Variants in PRG2 observed in about 807,000 individuals in gnomAD.
PRG2 encodes bone marrow proteoglycan.
PRG2 carries 23 observed loss-of-function variants against 24.7 expected under a neutral mutation model. That is an observed-to-expected ratio of 0.93 (90% CI 0.67 to 1.32). PRG2 has a LOEUF of 1.32. Among genes scored for constraint, PRG2 ranks in the 40% most tolerant of loss-of-function variants. The pLI, the probability that PRG2 is intolerant of heterozygous loss-of-function variation, is 0.00. For synonymous variants in PRG2, 104 were observed against 99.8 expected (o/e 1.04, Z -0.25); for missense variants, 271 against 280.9 (o/e 0.96, Z 0.25).
intron 2 of PRG2, 116 bp from the exon 3 acceptor site, chr11:57,389,433 G>T: frequency 8.5e-7 from 1 of 1,173,732 alleles, no homozygotes; most frequent in Non-Finnish European, 1.2e-6. Context: ...TGCCTGGGAA[G>T]GGGAACCTGG....
At chr11:57,388,796 C>T in intron 3 of PRG2, 88 bp from the exon 4 acceptor site, 1 of 1,540,488 alleles carries the variant, frequency 6.5e-7, no homozygotes, top group East Asian at 2.3e-5. Context: ...CATTCCCTCC[C>T]TCCCCTGCCA....
chr11:57,387,806 A>G lies in PRG2; in HGVS notation c.558T>C (p.Ala186=). 6.3e-7 allele frequency: 1 copy of G among 1,592,298 alleles called. No individual in the cohort carries two copies. The highest frequency in any genetic ancestry group is 8.5e-7 in the Non-Finnish European group (1 of 1,170,116). The change falls in exon 5 of 6, where the codon GCT becomes GCC. Residue 186 remains alanine, a synonymous_variant. Coordinates refer to ENST00000311862, the MANE Select transcript of PRG2 (RefSeq NM_002728.6). ...CACCGCGGGACCAGGGCTGGTGAGCAGCCCAGTATGCAAAGTTCCAGCGGC... is the reference window on the plus strand; with the variant it reads ...CACCGCGGGACCAGGGCTGGTGAGCGGCCCAGTATGCAAAGTTCCAGCGGC... The part of the protein sequence containing the change: ...DGSRWNFAYW[A]AHQPWSRGGH...
At chr11:57,387,930 C>T (rs777399385) in intron 4 of PRG2, 65 bp from the exon 5 acceptor site, 48 of 1,219,278 alleles carry the variant, frequency 3.9e-5, no homozygotes, top group African/African-American at 4.6e-5. Flanking sequence ...GACCTGGCCC[C>T]GTATCTGCCA....
Position 57,387,423 on chromosome 11 carries a change from G to A in PRG2, c.*52C>T. The A allele has an allele frequency of 6.6e-7, 1 of 1,504,994 alleles. No homozygotes were observed. 93.2% of individuals were successfully genotyped at this position (1,504,994 alleles called of 1,614,324 possible). On this transcript the variant is annotated 3_prime_UTR_variant, in exon 6 of 6. Transcript: ENST00000311862. Reference sequence around the variant, plus strand: ...GAGGGAGGGATGGCAAGCAGAGGAGGGGAGGCAGCTGCCCAGGAGAGGGCA... The same window carrying A: ...GAGGGAGGGATGGCAAGCAGAGGAGAGGAGGCAGCTGCCCAGGAGAGGGCA...
chr11:57,389,105 CA>C lies in PRG2; in HGVS notation c.270del (p.Glu91ArgfsTer6). On this transcript the variant is annotated frameshift_variant, in exon 3 of 6. Transcript: ENST00000311862. LOFTEE classifies it high-confidence loss of function. ...ACCACTTTTACTGTGTCCTCTTCCTCAGGACACGTAAGGTTTTTGTCCACCA... is the reference window on the plus strand; with the variant it reads ...ACCACTTTTACTGTGTCCTCTTCCTCGGACACGTAAGGTTTTTGTCCACCA... ...PDMVDKNLTC[P>X]EEEDTVKVVG... is the part of the protein sequence containing the mutation. 1 of 1,614,198 alleles carries C rather than the reference CA, an allele frequency of 6.2e-7. No individual in the cohort carries two copies. Among genetic ancestry groups the C allele is most frequent in the Non-Finnish European group, 8.5e-7 (1 of 1,180,038 alleles).
At chr11:57,388,835 G>C in intron 3 of PRG2, 127 bp from the exon 4 acceptor site, 1 of 1,456,502 alleles carries the variant, frequency 6.9e-7, no homozygotes, top group South Asian at 1.3e-5. Context: ...AGACCAAAAT[G>C]CAACTTCTGT....
chr11:57,390,225 T>C (rs760976823), intron 1 of PRG2, among the ~76,000 whole-genome samples: 1 of 152,246 alleles, frequency 6.6e-6, no homozygotes, highest in East Asian at 1.9e-4. Flanking sequence ...GAAGGGACTA[T>C]TACGCTTATT....
At chr11:57,389,837 T>C (rs375258376) in intron 2 of PRG2, 50 bp downstream of exon 2, 15 of 1,512,374 alleles carry the variant, frequency 9.9e-6, no homozygotes, top group African/African-American at 1.4e-5. Flanking sequence ...CCATCTACCA[T>C]AGAAAGGGAA....
chr11:57,388,205 G>A (rs768878297), intron 4 of PRG2, among the ~76,000 whole-genome samples: 15 of 151,402 alleles, frequency 9.9e-5, no homozygotes, highest in East Asian at 5.8e-4. Flanking sequence ...GCGGAGTTTC[G>A]CTCTTGTTGC....
At position 57,387,844 on chromosome 11, in the gene PRG2, A is replaced by C. The variant is rs1857076952; in HGVS notation, c.520T>G (p.Trp174Gly). 1 of 1,575,140 alleles carries C rather than the reference A, an allele frequency of 6.3e-7. No homozygotes were observed. The highest frequency in any genetic ancestry group is 8.6e-7 in the Non-Finnish European group (1 of 1,160,164). Reference sequence around the variant, plus strand: ...AAGTTCCAGCGGCTGCCGTCAACCCACTGAAAGCGTCTGCAGCGACCCTGG... The same window carrying C: ...AAGTTCCAGCGGCTGCCGTCAACCCCCTGAAAGCGTCTGCAGCGACCCTGG... ...TGSGRCRRFQ[W>G]VDGSRWNFAY... is the part of the protein sequence containing the mutation. Residue 174 changes from tryptophan (W) to glycine (G), a missense_variant, in exon 5 of 6, where the codon TGG becomes GGG. Physicochemically the swap from Trp to Gly is radical, Grantham distance 184 (BLOSUM62 -2). Transcript: ENST00000311862.
At chr11:57,388,752 C>A in intron 3 of PRG2, 44 bp from the exon 4 acceptor site, 1 of 1,604,588 alleles carries the variant, frequency 6.2e-7, no homozygotes, top group Non-Finnish European at 8.5e-7. Context: ...ATCCTTCCTA[C>A]ATGAATTCAC....
intron 3 of PRG2, 46 bp downstream of exon 3, chr11:57,388,964 C>T (rs749017441): frequency 1.0e-5 from 16 of 1,583,926 alleles, no homozygotes; most frequent in Non-Finnish European, 1.2e-5. Flanking sequence ...GCATATCCCA[C>T]ACCCGTTCCA....
intron 2 of PRG2, 141 bp from the exon 3 acceptor site, chr11:57,389,458 G>A: frequency 2.1e-6 from 2 of 957,066 alleles, no homozygotes; most frequent in Non-Finnish European, 3.0e-6. Flanking sequence ...CAGTCTCTAT[G>A]AGGGGAACCC....
chr11:57,388,966 C>A, intron 3 of PRG2, 44 bp downstream of exon 3: 1 of 1,589,368 alleles, frequency 6.3e-7, no homozygotes, highest in Non-Finnish European at 8.6e-7. Context: ...ATATCCCACA[C>A]CCGTTCCATG....
Position 57,389,009 on chromosome 11 carries a change from C to T in PRG2, c.366+1G>A, listed in dbSNP as rs755411858. On this transcript the variant is annotated splice_donor_variant, in intron 3 of 5. Coordinates refer to ENST00000311862, the MANE Select transcript of PRG2 (RefSeq NM_002728.6). LOFTEE classifies it high-confidence loss of function. ...CTCAGCCTCAGCCATAGGCCACTCA[C>T]CCAAGCTTGACTAAACGTCTGAAGA... 2 of 1,612,864 alleles carry T rather than the reference C, an allele frequency of 1.2e-6. No homozygotes were observed. Among genetic ancestry groups the T allele is most frequent in the Non-Finnish European group, 1.7e-6 (2 of 1,179,450 alleles).
At chr11:57,389,767 C>T in intron 2 of PRG2, 120 bp downstream of exon 2, 2 of 920,002 alleles carry the variant, frequency 2.2e-6, no homozygotes, top group Admixed American at 2.8e-5. Flanking sequence ...TCCCTTTAAG[C>T]ACACAGAAAT....
rs763753658 is a variant in PRG2 at position 57,387,743 on chromosome 11, C to T, written c.610+11G>A. 1 of 1,553,398 alleles carries T rather than the reference C, an allele frequency of 6.4e-7. No individual in the cohort carries two copies. Among genetic ancestry groups the T allele is most frequent in the East Asian group, 2.3e-5 (1 of 43,402 alleles). On this transcript the variant is annotated intron_variant, in intron 5 of 5. Transcript: ENST00000311862. ...AGACCTTTCCATCGTTCATCCCCAG[C>T]CCCACCTCACCTCGGGTACACAGGG... is the stretch of plus-strand genomic sequence containing the variant.
Position 57,387,217 on chromosome 11 carries a change from A to G in PRG2, c.*258T>C, listed in dbSNP as rs1056855749. The G allele has an allele frequency of 1.2e-5, 5 of 430,462 alleles. No homozygotes were observed. The highest frequency in any genetic ancestry group is 1.2e-5 in the Non-Finnish European group (3 of 242,008). The allele number at this position is 430,462 out of a possible 1,614,324, so 26.7% of individuals were successfully genotyped here. ...CCTCCATCTCCAAAAGGCTCCATAGACCCAACTCCACCCTCCATCCTCCTC... is the reference window on the plus strand; with the variant it reads ...CCTCCATCTCCAAAAGGCTCCATAGGCCCAACTCCACCCTCCATCCTCCTC... On this transcript the variant is annotated 3_prime_UTR_variant, in exon 6 of 6. Transcript: ENST00000311862.
Position 57,389,093 on chromosome 11 carries a change from T to G in PRG2, c.283A>C (p.Thr95Pro), listed in dbSNP as rs374218477. The change falls in exon 3 of 6, where the codon ACA (threonine) becomes CCA (proline). Residue 95 changes from threonine to proline, a missense_variant. Physicochemically the swap from Thr to Pro is conservative, Grantham distance 38. Coordinates refer to ENST00000311862, the MANE Select transcript of PRG2 (RefSeq NM_002728.6). The part of the protein sequence containing the change: ...KNLTCPEEED[T>P]VKVVGIPGCQ... ...CCAGGGATGCCCACCACTTTTACTGTGTCCTCTTCCTCAGGACACGTAAGG... is the reference window on the plus strand; with the variant it reads ...CCAGGGATGCCCACCACTTTTACTGGGTCCTCTTCCTCAGGACACGTAAGG... 26 of 1,614,108 alleles carry G rather than the reference T, an allele frequency of 1.6e-5. No individual in the cohort carries two copies. Among genetic ancestry groups the G allele is most frequent in the African/African-American group, 4.0e-5 (3 of 74,910 alleles).
Sources: allele counts gnomAD v4.1 joint callset (sites outside exome capture counted in the v4.1 genomes callset), GRCh38; gene constraint gnomAD v4.1.1; transcripts MANE v1.5; gene names NCBI Gene and HGNC (gene_info 2026-07-23, HGNC 2026-07-21).